Variants in RASSF3 observed in about 807,000 individuals in gnomAD.
RASSF3 encodes the protein ras association domain-containing protein 3.
A neutral mutation model predicts 19.9 loss-of-function variants in RASSF3; 19 were observed. The observed-to-expected ratio is 0.96, with a 90% CI of 0.67 to 1.40. The LOEUF is 1.40. RASSF3 is among the 40% of genes most tolerant of loss of function. RASSF3 has a pLI of 0.00. For synonymous variants in RASSF3, 110 were observed against 104.2 expected (o/e 1.06, Z -0.34); for missense variants, 306 against 289.8 (o/e 1.06, Z -0.41).
chr12:64,571,401 A>G, intron 2 of RASSF3, among the ~76,000 whole-genome samples: 1 of 152,092 alleles, frequency 6.6e-6, no homozygotes, highest in Non-Finnish European at 1.5e-5. Context: ...GCCACAGGAA[A>G]CGAGAACATG....
intron 1 of RASSF3, among the ~76,000 whole-genome samples, chr12:64,655,638 T>C (rs1256825928): frequency 1.3e-5 from 2 of 152,078 alleles, no homozygotes; most frequent in Admixed American, 6.6e-5. Context: ...TAGTCACTGT[T>C]ACTTCTTTTA....
chr12:64,574,728 A>T (rs58220827), intron 2 of RASSF3, among the ~76,000 whole-genome samples: 5,580 of 152,322 alleles, frequency 0.037, 178 homozygotes, highest in East Asian at 0.16. Flanking sequence ...TAAGGTACTC[A>T]GTCAAGCCTA....
chr12:64,656,195 G>A (rs1400845224), intron 1 of RASSF3, among the ~76,000 whole-genome samples: 1 of 152,146 alleles, frequency 6.6e-6, no homozygotes, highest in African/African-American at 2.4e-5. Flanking sequence ...AGTAGTGGAT[G>A]TGTTTATTGG....
At chr12:64,662,980 A>C (rs1872421558) in intron 1 of RASSF3, among the ~76,000 whole-genome samples, 1 of 152,174 alleles carries the variant, frequency 6.6e-6, no homozygotes, top group Admixed American at 6.5e-5. Context: ...GCACTCAATA[A>C]ATTTTAGCTA....
intron 1 of RASSF3, among the ~76,000 whole-genome samples, chr12:64,648,455 G>A (rs1387726440): frequency 6.6e-6 from 1 of 152,040 alleles, no homozygotes; most frequent in Non-Finnish European, 1.5e-5. Flanking sequence ...AGAGGCTCCC[G>A]GCTAGAGCTC....
intron 2 of RASSF3, among the ~76,000 whole-genome samples, chr12:64,584,902 T>C (rs1869768581): frequency 6.8e-6 from 1 of 146,510 alleles, no homozygotes. Flanking sequence ...TTTTTTTTTT[T>C]GAGACAGAGT....
intron 1 of RASSF3, among the ~76,000 whole-genome samples, chr12:64,631,235 G>A (rs1184703098): frequency 6.6e-6 from 1 of 152,154 alleles, no homozygotes; most frequent in East Asian, 1.9e-4. Flanking sequence ...GTTGTCCTGG[G>A]ATCGGAGGTT....
intron 1 of RASSF3, 149 bp downstream of exon 1, chr12:64,610,892 T>C (rs538776472): frequency 1.4e-4 from 72 of 503,268 alleles, no homozygotes; most frequent in African/African-American, 1.3e-3. Context: ...GCTTCTGCCT[T>C]TTCGGGTCCC....
At chr12:64,524,241 T>G (rs1868538367) in intron 1 of RASSF3, among the ~76,000 whole-genome samples, 1 of 150,004 alleles carries the variant, frequency 6.7e-6, no homozygotes, top group South Asian at 2.1e-4. Flanking sequence ...TTTATTTATT[T>G]ATTTATTTAT....
At chr12:64,557,914 G>A (rs757635778) in intron 2 of RASSF3, among the ~76,000 whole-genome samples, 10 of 152,202 alleles carry the variant, frequency 6.6e-5, no homozygotes, top group South Asian at 2.1e-4. Context: ...CAGATGCTAC[G>A]TCATAAGTGA....
chr12:64,678,913 T>C (rs943635751), intron 1 of RASSF3, among the ~76,000 whole-genome samples: 4 of 152,184 alleles, frequency 2.6e-5, no homozygotes, highest in African/African-American at 9.7e-5. Context: ...AGAGGTTAAG[T>C]AACTTGCCTC....
In RASSF3 at chr12:64,520,594, A is replaced by G. The variant is rs538630653; in HGVS notation, c.169+13265A>G. On this transcript the variant is annotated intron_variant, in intron 1 of 5. Transcript: ENST00000637125. ...TATATATATATATATATATATATAT[A>G]TGCACATATATGTTGTAGGTTCCCA... Among the ~76,000 whole-genome samples, 232 of 141,814 alleles carry G rather than the reference A, an allele frequency of 1.6e-3. 2 individuals are homozygous for G. The highest frequency in any genetic ancestry group is 5.8e-3 in the African/African-American group (222 of 37,958). The allele number at this position is 141,814 out of a possible 152,430, so 93.0% of individuals were successfully genotyped here. A position where few individuals can be genotyped will look rare whatever the true frequency, so the allele number is the denominator to read the frequency against.
At chr12:64,676,165 A>AT (rs1453281653) in intron 1 of RASSF3, among the ~76,000 whole-genome samples, 2 of 123,032 alleles carry the variant, frequency 1.6e-5, no homozygotes, top group African/African-American at 3.2e-5. Flanking sequence ...TCAGGAGTAG[A>AT]ATTTTTTTTT....
intron 1 of RASSF3, among the ~76,000 whole-genome samples, chr12:64,509,256 C>A (rs539145766): frequency 1.3e-5 from 2 of 152,234 alleles, no homozygotes; most frequent in African/African-American, 4.8e-5. Context: ...TTGAGACCAG[C>A]CTGGCCAACA....
chr12:64,685,795 G>A (rs1873328387), intron 2 of RASSF3, among the ~76,000 whole-genome samples: 1 of 152,204 alleles, frequency 6.6e-6, no homozygotes, highest in South Asian at 2.1e-4. Flanking sequence ...GCTGACAGCG[G>A]AGCTAGAGTA....
Position 64,582,860 on chromosome 12 carries a change from A to C in RASSF3, c.294+41155A>C, listed in dbSNP as rs553654103. ...TTGGCACTACTATTGATTTTCCCACACTTTTGGCCAGCGTGTATGTCCATT... is the reference window on the plus strand; with the variant it reads ...TTGGCACTACTATTGATTTTCCCACCCTTTTGGCCAGCGTGTATGTCCATT... On this transcript the variant is annotated intron_variant, in intron 2 of 5. Transcript: ENST00000637125. 8.0e-4 allele frequency among the ~76,000 whole-genome samples: 122 copies of C among 152,290 alleles called. 2 individuals are homozygous for C. The South Asian group carries it at 0.024, about 30-fold the overall frequency.
chr12:64,604,349 C>T (rs1421787582), intron 2 of RASSF3, among the ~76,000 whole-genome samples: 3 of 152,084 alleles, frequency 2.0e-5, no homozygotes, highest in African/African-American at 7.2e-5. Flanking sequence ...TGGTCTCCAA[C>T]TCCTGCGTTC....
chr12:64,588,530 A>T (rs948155870), intron 2 of RASSF3, among the ~76,000 whole-genome samples: 8 of 152,000 alleles, frequency 5.3e-5, no homozygotes, highest in South Asian at 2.1e-4. Context: ...AAAAAAAAAG[A>T]TATCTTTTTT....
chr12:64,679,133 GCTCACTGCAAC>G (rs1873022738), intron 1 of RASSF3, among the ~76,000 whole-genome samples: 1 of 152,228 alleles, frequency 6.6e-6, no homozygotes, highest in Non-Finnish European at 1.5e-5. Flanking sequence ...CACGATCTCA[GCTCACTGCAAC>G]CTCTGCCTCC....
Sources: allele counts gnomAD v4.1 joint callset (sites outside exome capture counted in the v4.1 genomes callset), GRCh38; gene constraint gnomAD v4.1.1; transcripts MANE v1.5; gene names NCBI Gene and HGNC (gene_info 2026-07-23, HGNC 2026-07-21).